DHX35: variants seen among roughly 807,000 people sequenced by gnomAD.
The protein encoded by DHX35 is DEAH-box helicase 35, also known as probable ATP-dependent RNA helicase DHX35.
DHX35 carries 84 observed loss-of-function variants against 99.6 expected under a neutral mutation model. That is an observed-to-expected ratio of 0.84 (90% CI 0.71 to 1.01). The LOEUF is 1.01. DHX35 is among the 50% of genes least tolerant of loss of function. DHX35 has a pLI of 0.00. For missense variants in DHX35, 852 were observed against 888.5 expected (o/e 0.96, Z 0.52); for synonymous variants, 331 against 316.2 (o/e 1.05, Z -0.50).
In DHX35 at chr20:38,992,406, C is replaced by A. The variant is rs751729101; in HGVS notation, c.563C>A (p.Ala188Asp). Residue 188 changes from alanine to aspartate, a missense_variant, in exon 7 of 22, where the codon GCC becomes GAC. By Grantham distance (126) the Ala-to-Asp change is moderately radical. Coordinates refer to ENST00000252011, the MANE Select transcript of DHX35 (RefSeq NM_021931.4). ...GAGAGGACCTTGTACACTGACATTG[C>A]CATTGGCTTGCTAAAAAAGGTATGA... ...AHERTLYTDI[A>D]IGLLKKIQKK... 1.9e-6 allele frequency: 3 copies of A among 1,614,008 alleles called. No homozygotes were observed. The South Asian group carries it at 3.3e-5, about 18-fold the overall frequency.
chr20:39,023,818 G>A, intron 17 of DHX35, 51 bp downstream of exon 17: 2 of 1,486,928 alleles, frequency 1.3e-6, no homozygotes, highest in Non-Finnish European at 9.4e-7. Context: ...ACCCTCTGGA[G>A]GTGATCTAGG....
At chr20:38,963,289 AC>A (rs1169742996) in intron 1 of DHX35, among the ~76,000 whole-genome samples, 5 of 152,344 alleles carry the variant, frequency 3.3e-5, no homozygotes, top group African/African-American at 7.2e-5. Flanking sequence ...TACCACCTGC[AC>A]CCCTGCAGGT....
At chr20:39,004,066 A>G (rs760681347) in intron 11 of DHX35, among the ~76,000 whole-genome samples, 159 bp downstream of exon 11, 5 of 151,796 alleles carry the variant, frequency 3.3e-5, no homozygotes, top group Non-Finnish European at 7.4e-5. Flanking sequence ...CATTGTGAAG[A>G]TTTCTTTTTT....
intron 19 of DHX35, among the ~76,000 whole-genome samples, chr20:39,028,755 G>C (rs1199155306): frequency 6.6e-6 from 1 of 152,168 alleles, no homozygotes; most frequent in Non-Finnish European, 1.5e-5. Flanking sequence ...CTTGAGGCTG[G>C]TAATATTTCA....
At chr20:38,983,805 C>T (rs759793232) in intron 4 of DHX35, 29 bp downstream of exon 4, 2 of 1,585,820 alleles carry the variant, frequency 1.3e-6, no homozygotes, top group Admixed American at 1.7e-5. Flanking sequence ...TGGAAAGATT[C>T]TATCTGTGTT....
chr20:38,978,151 C>T (rs1686356062), intron 3 of DHX35: 2 of 858,964 alleles, frequency 2.3e-6, no homozygotes, highest in Non-Finnish European at 4.0e-6. Context: ...TATTTCAAAG[C>T]CCCTAAGGGA....
At chr20:38,980,987 A>G (rs2086163249) in intron 3 of DHX35, among the ~76,000 whole-genome samples, 1 of 152,218 alleles carries the variant, frequency 6.6e-6, no homozygotes, top group Non-Finnish European at 1.5e-5. Flanking sequence ...GTTTGGGTTT[A>G]TGTCATGTTT....
At position 38,989,061 on chromosome 20, in the gene DHX35, T is replaced by C. The variant is rs2086293226; in HGVS notation, c.450+144T>C. 4 of 843,428 alleles carry C rather than the reference T, an allele frequency of 4.7e-6. No homozygotes were observed. The South Asian group carries it at 8.7e-5, about 18-fold the overall frequency. The allele number at this position is 843,428 out of a possible 1,614,324, so 52.2% of individuals were successfully genotyped here. On this transcript the variant is annotated intron_variant, in intron 5 of 21. Transcript: ENST00000252011. ...AAAAGTATCCTGACATTCAGAGACTTTAGTCAGCTAGGAGACAGAGAGCTC... is the reference window on the plus strand; with the variant it reads ...AAAAGTATCCTGACATTCAGAGACTCTAGTCAGCTAGGAGACAGAGAGCTC...
intron 20 of DHX35, among the ~76,000 whole-genome samples, chr20:39,031,294 C>T (rs918420098): frequency 1.3e-5 from 2 of 151,578 alleles, no homozygotes; most frequent in African/African-American, 2.4e-5. Flanking sequence ...GCATGAGGCA[C>T]AGCTATGCAG....
intron 17 of DHX35, among the ~76,000 whole-genome samples, chr20:39,024,326 T>C (rs2086918052): frequency 6.6e-6 from 1 of 152,154 alleles, no homozygotes; most frequent in African/African-American, 2.4e-5. Flanking sequence ...TTAATAAAGG[T>C]GATGAAAATG....
intron 21 of DHX35, among the ~76,000 whole-genome samples, chr20:39,034,744 G>A (rs1365732819): frequency 2.0e-5 from 3 of 150,856 alleles, no homozygotes; most frequent in Non-Finnish European, 4.4e-5. Context: ...GTGCCACCAC[G>A]TCTGGCTCAT....
At chr20:38,985,449 C>T (rs893002510) in intron 4 of DHX35, among the ~76,000 whole-genome samples, 1 of 144,366 alleles carries the variant, frequency 6.9e-6, no homozygotes, top group Non-Finnish European at 1.5e-5. Context: ...CCTGGACAAA[C>T]AATTAATTCT....
intron 8 of DHX35, 54 bp from the exon 9 acceptor site, chr20:39,001,676 C>T (rs780655495): frequency 1.8e-5 from 25 of 1,383,666 alleles, no homozygotes; most frequent in South Asian, 3.7e-5. Context: ...TTCCATGAAT[C>T]GCTACGAACC....
chr20:38,977,436 T>C (rs992325002), intron 3 of DHX35, among the ~76,000 whole-genome samples: 4 of 152,200 alleles, frequency 2.6e-5, no homozygotes, highest in Non-Finnish European at 5.9e-5. Context: ...CCATCTTTTT[T>C]TTAACTTTAT....
At chr20:38,973,917 T>C (rs2086038834) in intron 3 of DHX35, among the ~76,000 whole-genome samples, 1 of 152,236 alleles carries the variant, frequency 6.6e-6, no homozygotes, top group South Asian at 2.1e-4. Flanking sequence ...TTCCACTCTA[T>C]GAGTATTCTG....
intron 15 of DHX35, among the ~76,000 whole-genome samples, chr20:39,020,264 C>G (rs1182449064): frequency 6.6e-6 from 1 of 152,106 alleles, no homozygotes; most frequent in East Asian, 1.9e-4. Flanking sequence ...GCATATATAC[C>G]TAGAAGTGTG....
Position 38,983,707 on chromosome 20 carries a change from A to G in DHX35, c.276A>G (p.Ala92=). The part of the protein sequence containing the change: ...GKSTQIPQYL[A]EAGWTAEGRV... ...TGTGATTTTGTTTGTAGTACCTTGC[A>G]GAAGCCGGCTGGACAGCTGAAGGAA... is the stretch of plus-strand genomic sequence containing the variant. The change falls in exon 4 of 22, where the codon GCA becomes GCG. Residue 92 remains alanine (A), a synonymous_variant. Coordinates refer to ENST00000252011, the MANE Select transcript of DHX35 (RefSeq NM_021931.4). 6.2e-7 allele frequency: 1 copy of G among 1,614,118 alleles called. No individual in the cohort carries two copies. Among genetic ancestry groups the G allele is most frequent in the South Asian group, 1.1e-5 (1 of 91,082 alleles).
chr20:39,015,044 C>A (rs963798244), intron 14 of DHX35, 110 bp downstream of exon 14: 2 of 1,243,638 alleles, frequency 1.6e-6, no homozygotes, highest in Non-Finnish European at 2.4e-6. Context: ...GGGATTGGTT[C>A]TCCCCATATA....
chr20:39,013,711 GT>G (rs2145918178), intron 13 of DHX35, among the ~76,000 whole-genome samples: 1 of 152,298 alleles, frequency 6.6e-6, no homozygotes, highest in East Asian at 1.9e-4. Context: ...ATCCCACAGG[GT>G]TTAAGCTCCT....
Sources: gnomAD v4.1 joint callset for allele counts (sites outside exome capture counted in the v4.1 genomes callset) on GRCh38, gnomAD v4.1.1 for gene constraint, MANE v1.5 for transcripts, NCBI Gene and HGNC (gene_info 2026-07-23, HGNC 2026-07-21) for gene names.